CSGALNACT1: variants seen among roughly 807,000 people sequenced by gnomAD.
CSGALNACT1 encodes chondroitin sulfate N-acetylgalactosaminyltransferase 1.
A neutral mutation model predicts 51.0 loss-of-function variants in CSGALNACT1; 52 were observed. The observed-to-expected ratio is 1.02, with a 90% CI of 0.82 to 1.29. The LOEUF (loss-of-function observed/expected upper bound fraction) is 1.29, where lower values mean the gene tolerates loss of function less well. Among genes scored for constraint, CSGALNACT1 ranks in the 50% most tolerant of loss-of-function variants. The pLI, the probability that CSGALNACT1 is intolerant of heterozygous loss-of-function variation, is 0.00. For missense variants in CSGALNACT1, 935 were observed against 679.2 expected, an observed-to-expected ratio of 1.38 and a Z score of -4.19; for synonymous variants, 341 against 254.4, an observed-to-expected ratio of 1.34 and a Z score of -3.24.
chr8:19,494,650 T>G (rs887353949), intron 4 of CSGALNACT1, among the ~76,000 whole-genome samples: 6 of 152,198 alleles, frequency 3.9e-5, no homozygotes, highest in African/African-American at 1.4e-4. Context: ...ATTACACATC[T>G]ATTCCTACAC....
At chr8:19,623,211 T>TA (rs1335969065) in intron 1 of CSGALNACT1, among the ~76,000 whole-genome samples, 2 of 152,222 alleles carry the variant, frequency 1.3e-5, no homozygotes, top group Non-Finnish European at 2.9e-5. Flanking sequence ...ATCAGATTGA[T>TA]ATAGCAATTC....
At chr8:19,607,779 CT>C (rs2051601892) in intron 1 of CSGALNACT1, among the ~76,000 whole-genome samples, 1 of 152,324 alleles carries the variant, frequency 6.6e-6, no homozygotes. Flanking sequence ...ACTTCCCAAT[CT>C]GTAAAATGAA....
chr8:19,744,969 C>T (rs946990965), intron 1 of CSGALNACT1, among the ~76,000 whole-genome samples: 4 of 152,154 alleles, frequency 2.6e-5, no homozygotes, highest in African/African-American at 9.7e-5. Context: ...CTAAAACATC[C>T]ACTGCCACGT....
At chr8:19,555,825 T>C (rs1371577726) in intron 3 of CSGALNACT1, among the ~76,000 whole-genome samples, 1 of 152,178 alleles carries the variant, frequency 6.6e-6, no homozygotes, top group African/African-American at 2.4e-5. Flanking sequence ...ATATTCAGCC[T>C]GGTATGTGAG....
chr8:19,571,031 T>C (rs1396905708), intron 3 of CSGALNACT1, among the ~76,000 whole-genome samples: 1 of 152,170 alleles, frequency 6.6e-6, no homozygotes, highest in Admixed American at 6.5e-5. Flanking sequence ...CAGGCAGAAG[T>C]GCAGTGGCAC....
chr8:19,624,899 A>T (rs1157451570), intron 1 of CSGALNACT1, among the ~76,000 whole-genome samples: 1 of 152,076 alleles, frequency 6.6e-6, no homozygotes, highest in African/African-American at 2.4e-5. Flanking sequence ...GGATGGTCTC[A>T]ATCTCCTGAC....
intron 1 of CSGALNACT1, among the ~76,000 whole-genome samples, chr8:19,705,349 T>C (rs976710338): frequency 3.9e-5 from 6 of 152,226 alleles, no homozygotes; most frequent in Admixed American, 3.3e-4. Context: ...AAATGTTCAA[T>C]AATTATTTTC....
upstream of CSGALNACT1, among the ~76,000 whole-genome samples, chr8:19,686,182 C>T (rs1383340078): frequency 1.3e-5 from 2 of 152,086 alleles, no homozygotes; most frequent in South Asian, 4.1e-4. Context: ...CTGACAAGGA[C>T]CCCCCAAAAG....
chr8:19,559,407 T>A (rs918720496), intron 3 of CSGALNACT1, among the ~76,000 whole-genome samples: 27 of 152,262 alleles, frequency 1.8e-4, no homozygotes, highest in African/African-American at 5.1e-4. Flanking sequence ...CCATTTGAAA[T>A]CAGAAGCAAG....
chr8:19,602,584 G>A (rs2050690972), upstream of CSGALNACT1: 1 of 152,256 alleles, frequency 6.6e-6, no homozygotes, highest in Non-Finnish European at 1.5e-5. Context: ...CCAAGGAGAG[G>A]GCGGGCGCGA....
At chr8:19,640,259 A>G (rs182976089) in intron 1 of CSGALNACT1, among the ~76,000 whole-genome samples, 8 of 152,304 alleles carry the variant, frequency 5.3e-5, no homozygotes, top group African/African-American at 1.7e-4. Context: ...TATGAAATGT[A>G]TTTATACATA....
chr8:19,437,003 G>A (rs563747433), intron 6 of CSGALNACT1, among the ~76,000 whole-genome samples: 11 of 152,172 alleles, frequency 7.2e-5, no homozygotes, highest in Admixed American at 2.6e-4. Context: ...CATTTTCTCC[G>A]TATGGTGTTG....
At chr8:19,707,049 T>C (rs2062213881) in intron 1 of CSGALNACT1, among the ~76,000 whole-genome samples, 1 of 152,094 alleles carries the variant, frequency 6.6e-6, no homozygotes, top group Non-Finnish European at 1.5e-5. Flanking sequence ...GGGAAGCTCT[T>C]ACCAGCACCC....
At chr8:19,648,587 T>C (rs4922071) in intron 1 of CSGALNACT1, among the ~76,000 whole-genome samples, 125,594 of 152,032 alleles carry the variant, frequency 0.83, 52,071 homozygotes, top group East Asian at 0.98. Flanking sequence ...GCAGGAGGAT[T>C]GCCTGAGCCC....
chr8:19,499,485 C>G (rs956418025), intron 4 of CSGALNACT1, among the ~76,000 whole-genome samples: 1 of 152,272 alleles, frequency 6.6e-6, no homozygotes, highest in East Asian at 1.9e-4. Flanking sequence ...AAACAAATAA[C>G]GTTTTTTTCC....
chr8:19,599,472 A>AAAAGAAAGAAAAAGGAAGAAAG (rs1319884772), intron 2 of CSGALNACT1, among the ~76,000 whole-genome samples: 11 of 113,736 alleles, frequency 9.7e-5, no homozygotes, highest in African/African-American at 3.9e-4. Flanking sequence ...GAAAGAAAGA[A>AAAAGAAAGAAAAAGGAAGAAAG]AAAGAAAGAA....
intron 4 of CSGALNACT1, among the ~76,000 whole-genome samples, chr8:19,459,726 G>C (rs1465348429): frequency 6.6e-6 from 1 of 152,122 alleles, no homozygotes; most frequent in African/African-American, 2.4e-5. Context: ...TTCCCCAAAG[G>C]TTACTGTGAG....
chr8:19,477,036 C>T (rs993102295), intron 4 of CSGALNACT1, among the ~76,000 whole-genome samples: 3 of 152,146 alleles, frequency 2.0e-5, no homozygotes, highest in Non-Finnish European at 4.4e-5. Flanking sequence ...ACTAAAATTC[C>T]AAGATGATTT....
At chr8:19,464,549 C>T (rs958869630) in intron 4 of CSGALNACT1, among the ~76,000 whole-genome samples, 1 of 152,090 alleles carries the variant, frequency 6.6e-6, no homozygotes, top group African/African-American at 2.4e-5. Context: ...GGTCCCCAAG[C>T]CACGGAATGG....
Sources: allele counts gnomAD v4.1 joint callset (sites outside exome capture counted in the v4.1 genomes callset), GRCh38; gene constraint gnomAD v4.1.1; transcripts MANE v1.5; gene names NCBI Gene and HGNC (gene_info 2026-07-23, HGNC 2026-07-21).